CTIF: variants seen among roughly 807,000 people sequenced by gnomAD.
CTIF encodes the protein cap binding complex dependent translation initiation factor.
In CTIF, 21 loss-of-function variants were observed where a neutral mutation model predicts 66.0. The ratio of observed to expected loss-of-function variants is 0.32; its 90% CI spans 0.23 to 0.46. CTIF has a LOEUF of 0.46. Ranked by LOEUF, CTIF falls within the 20% of genes least tolerant of loss-of-function variation. CTIF has a pLI of 1.00. For missense variants in CTIF, 739 were observed against 812.7 expected, an observed-to-expected ratio of 0.91 and a Z score of 1.10; for synonymous variants, 345 against 326.4, an observed-to-expected ratio of 1.06 and a Z score of -0.62.
chr18:48,705,690 G>A (rs1478728164), intron 6 of CTIF, among the ~76,000 whole-genome samples: 2 of 152,216 alleles, frequency 1.3e-5, no homozygotes, highest in Non-Finnish European at 2.9e-5. Context: ...CTGCCCAGGG[G>A]CCCAGCCCAA....
chr18:48,652,869 G>A (rs1324158297), intron 3 of CTIF, among the ~76,000 whole-genome samples: 2 of 152,092 alleles, frequency 1.3e-5, no homozygotes, highest in Non-Finnish European at 2.9e-5. Context: ...CAAAACCAAC[G>A]ACAAAAACCA....
At chr18:48,805,598 A>G (rs921001688) in intron 9 of CTIF, among the ~76,000 whole-genome samples, 6 of 151,520 alleles carry the variant, frequency 4.0e-5, no homozygotes, top group African/African-American at 1.5e-4. Context: ...GGGAAGGGGG[A>G]AAAAAAATCC....
intron 8 of CTIF, among the ~76,000 whole-genome samples, chr18:48,759,257 A>G (rs535002176): frequency 3.3e-5 from 5 of 152,306 alleles, no homozygotes; most frequent in African/African-American, 1.2e-4. Flanking sequence ...CAACTTGCCC[A>G]CAGCCATTCC....
chr18:48,777,183 C>CAGAG (rs372004525), intron 9 of CTIF, among the ~76,000 whole-genome samples: 1,682 of 152,332 alleles, frequency 0.011, 29 homozygotes, highest in African/African-American at 0.038. Flanking sequence ...GCCCCATTTA[C>CAGAG]AGAGTCTGGG....
At chr18:48,814,005 C>G (rs1478361892) in intron 9 of CTIF, among the ~76,000 whole-genome samples, 5 of 152,214 alleles carry the variant, frequency 3.3e-5, no homozygotes, top group Non-Finnish European at 7.3e-5. Flanking sequence ...GCTGAAGCCT[C>G]AAGCTACCCC....
At chr18:48,730,373 G>GGTGTGAGGGGCTCCTGCT (rs1320750875) in intron 7 of CTIF, among the ~76,000 whole-genome samples, 3 of 140,130 alleles carry the variant, frequency 2.1e-5, no homozygotes, top group African/African-American at 5.3e-5. Flanking sequence ...GGGCCCCTGC[G>GGTGTGAGGGGCTCCTGCT]GTGTGAGGGG....
In CTIF at chr18:48,615,425, C is replaced by T. The variant is rs546197289; in HGVS notation, c.-28-4113C>T. ...GGGGCCTCCCCACTCCCTCTCTGGG[C>T]CCCGCTGCGGAACAGGGAAGTGATG... On this transcript the variant is annotated intron_variant, in intron 1 of 11. Coordinates refer to ENST00000256413, the MANE Select transcript of CTIF (RefSeq NM_014772.3). Among the ~76,000 whole-genome samples, 136 of 152,344 alleles carry T rather than the reference C, an allele frequency of 8.9e-4. 2 individuals are homozygous for T. The highest frequency in any genetic ancestry group is 5.9e-5 in the Non-Finnish European group (4 of 68,036).
At chr18:48,836,083 G>A (rs1000095033) in intron 10 of CTIF, among the ~76,000 whole-genome samples, 4 of 151,174 alleles carry the variant, frequency 2.6e-5, no homozygotes, top group South Asian at 4.2e-4. Flanking sequence ...GCATACCCCC[G>A]CCCTAGGAGC....
intron 1 of CTIF, among the ~76,000 whole-genome samples, chr18:48,541,736 G>C (rs903331213): frequency 5.3e-5 from 8 of 152,164 alleles, no homozygotes; most frequent in African/African-American, 1.9e-4. Context: ...CAGCAATTTT[G>C]TAACACATTC....
intron 9 of CTIF, among the ~76,000 whole-genome samples, chr18:48,810,984 T>C (rs1315402013): frequency 6.6e-6 from 1 of 152,082 alleles, no homozygotes; most frequent in Non-Finnish European, 1.5e-5. Context: ...CTTTTAGCAT[T>C]TTAAAGGCAT....
intron 1 of CTIF, among the ~76,000 whole-genome samples, chr18:48,546,063 A>G (rs2088741548): frequency 6.6e-6 from 1 of 152,116 alleles, no homozygotes; most frequent in African/African-American, 2.4e-5. Flanking sequence ...GAGTGTACAG[A>G]GTGGGGAAGC....
intron 1 of CTIF, among the ~76,000 whole-genome samples, chr18:48,589,156 G>T (rs1181941392): frequency 6.6e-6 from 1 of 152,152 alleles, no homozygotes; most frequent in African/African-American, 2.4e-5. Flanking sequence ...CTATTGTCAC[G>T]AATTATCACA....
intron 1 of CTIF, among the ~76,000 whole-genome samples, chr18:48,569,522 T>C (rs1356625117): frequency 6.6e-6 from 1 of 152,202 alleles, no homozygotes; most frequent in Non-Finnish European, 1.5e-5. Flanking sequence ...TAACTTGCTT[T>C]ATAAAAAGAT....
intron 9 of CTIF, among the ~76,000 whole-genome samples, chr18:48,788,127 G>T (rs529657444): frequency 5.3e-5 from 8 of 152,312 alleles, no homozygotes; most frequent in Admixed American, 1.3e-4. Context: ...CAATTGGATG[G>T]CCGACCCTCT....
Position 48,711,638 on chromosome 18 carries a change from A to G in CTIF, c.527A>G (p.His176Arg). Residue 176 changes from histidine (H) to arginine (R), a missense_variant, in exon 7 of 12, where the codon CAT becomes CGT. This residue lies in a region of CTIF where 529 missense variants were observed against 520.3 expected (regional missense o/e 1.02). Transcript: ENST00000256413. Reference protein sequence around the residue: ...PAWQGYHPMPHEVEIAHTKKL... With the variant: ...PAWQGYHPMPREVEIAHTKKL... Reference sequence around the variant, plus strand: ...ACACAGGGCTACCACCCGATGCCCCATGAAGTGGAGATCGCACACACCAAG... The same window carrying G: ...ACACAGGGCTACCACCCGATGCCCCGTGAAGTGGAGATCGCACACACCAAG... 1.9e-6 allele frequency: 3 copies of G among 1,614,026 alleles called. No homozygotes were observed. Among genetic ancestry groups the G allele is most frequent in the Non-Finnish European group, 2.5e-6 (3 of 1,179,970 alleles).
Position 48,655,297 on chromosome 18 carries a change from TAAAAAAAAAAAA to T in CTIF, c.253-8443_253-8432del, listed in dbSNP as rs35564462. Among the ~76,000 whole-genome samples the T allele has an allele frequency of 7.1e-4, 75 of 106,204 alleles. No individual in the cohort carries two copies. The South Asian group carries it at 0.011, about 15-fold the overall frequency. The allele number at this position is 106,204 out of a possible 152,430, so 69.7% of individuals were successfully genotyped here. A position where few individuals can be genotyped will look rare whatever the true frequency, so the allele number is the denominator to read the frequency against. The stretch of plus-strand genomic sequence containing the variant: ...TCCAGCCTGGGCCATAGAGCAAGAC[TAAAAAAAAAAAA>T]AAAAAAAAAAAGAAGAATAAAAAAA... On this transcript the variant is annotated intron_variant, in intron 3 of 11. Coordinates refer to ENST00000256413, the MANE Select transcript of CTIF (RefSeq NM_014772.3).
chr18:48,634,371 TGGG>T (rs2090775058), intron 2 of CTIF, among the ~76,000 whole-genome samples: 1 of 152,094 alleles, frequency 6.6e-6, no homozygotes, highest in Non-Finnish European at 1.5e-5. Flanking sequence ...ATAAATATCT[TGGG>T]GGAAATACTT....
intron 7 of CTIF, among the ~76,000 whole-genome samples, chr18:48,739,133 G>A (rs927705860): frequency 1.3e-5 from 2 of 152,210 alleles, no homozygotes; most frequent in Admixed American, 6.5e-5. Context: ...TTGCAGAGAT[G>A]TGAGTGTCCT....
Position 48,634,751 on chromosome 18 carries a change from G to T in CTIF, c.181-1863G>T, listed in dbSNP as rs561205785. 2.0e-5 allele frequency among the ~76,000 whole-genome samples: 3 copies of T among 152,302 alleles called. No homozygotes were observed. The East Asian group carries it at 5.8e-4, about 29-fold the overall frequency. ...CCCCTCTGCAGTATAGTGGGGATGG[G>T]CAAGGAGTGCCTCTGACACCGTTGC... On this transcript the variant is annotated intron_variant, in intron 2 of 11. Transcript: ENST00000256413.
Sources: gnomAD v4.1 joint callset for allele counts (sites outside exome capture counted in the v4.1 genomes callset) on GRCh38, gnomAD v4.1.1 for gene constraint, gnomAD v4.1.1 regional missense constraint, MANE v1.5 for transcripts, NCBI Gene and HGNC (gene_info 2026-07-23, HGNC 2026-07-21) for gene names.